CLVS1: variants seen among roughly 807,000 people sequenced by gnomAD.
CLVS1 encodes the protein clavesin 1, also known as clavesin-1.
A neutral mutation model predicts 33.1 loss-of-function variants in CLVS1; 10 were observed. The observed-to-expected ratio is 0.30, with a 90% CI of 0.19 to 0.51. The LOEUF is 0.51. CLVS1 is among the 20% of genes least tolerant of loss of function. The probability of loss-of-function intolerance (pLI) is 0.97; values close to 1 mark genes in which losing one functional copy is unlikely to be tolerated. For synonymous variants in CLVS1, 163 were observed against 166.1 expected (o/e 0.98, Z 0.14); for missense variants, 343 against 433.4 (o/e 0.79, Z 1.85).
At chr8:61,398,871 G>T (rs1464941923) in intron 3 of CLVS1, among the ~76,000 whole-genome samples, 1 of 152,158 alleles carries the variant, frequency 6.6e-6, no homozygotes, top group African/African-American at 2.4e-5. Flanking sequence ...TCCCTGCAAA[G>T]GACATGATCT....
chr8:61,114,538 A>T (rs191191890), intron 1 of CLVS1, among the ~76,000 whole-genome samples: 1 of 152,358 alleles, frequency 6.6e-6, no homozygotes, highest in Non-Finnish European at 1.5e-5. Flanking sequence ...GTAGTTTATT[A>T]TACTGACAAA....
chr8:60,973,817 G>T, the CLVS1 span, among the ~76,000 whole-genome samples: 1 of 152,216 alleles, frequency 6.6e-6, no homozygotes, highest in Non-Finnish European at 1.5e-5. Context: ...GGAAGCTGCT[G>T]ATCGCCAGTT....
intron 2 of CLVS1, among the ~76,000 whole-genome samples, chr8:61,221,161 T>G (rs980479770): frequency 6.6e-6 from 1 of 152,180 alleles, no homozygotes; most frequent in Non-Finnish European, 1.5e-5. Flanking sequence ...TCTTCCTATT[T>G]GAGTATGCTT....
intron 1 of CLVS1, among the ~76,000 whole-genome samples, chr8:61,057,755 T>C (rs1007614343): frequency 6.6e-6 from 1 of 152,176 alleles, no homozygotes; most frequent in African/African-American, 2.4e-5. Flanking sequence ...ACAGAAGAAA[T>C]TGCTTGAAGT....
chr8:61,234,292 G>A (rs539757190), intron 2 of CLVS1, among the ~76,000 whole-genome samples: 2 of 152,160 alleles, frequency 1.3e-5, no homozygotes, highest in African/African-American at 2.4e-5. Flanking sequence ...AGCCTGGTTC[G>A]ACCAGTGCCT....
chr8:61,096,288 A>C (rs574314129), intron 1 of CLVS1, among the ~76,000 whole-genome samples: 46 of 152,288 alleles, frequency 3.0e-4, no homozygotes, highest in Admixed American at 1.3e-3. Flanking sequence ...CCTACAGGAG[A>C]GAGTGGGTTT....
At chr8:61,063,543 A>T (rs11996012) in intron 1 of CLVS1, among the ~76,000 whole-genome samples, 15,977 of 152,150 alleles carry the variant, frequency 0.11, 1,196 homozygotes, top group African/African-American at 0.21. Context: ...TTCAAGAAGG[A>T]TGGACACAGG....
chr8:61,022,582 G>A, the CLVS1 span, among the ~76,000 whole-genome samples: 2 of 152,136 alleles, frequency 1.3e-5, no homozygotes, highest in African/African-American at 4.8e-5. Flanking sequence ...TCATGTTATT[G>A]CTACTCTTGT....
chr8:61,208,837 C>T (rs767628415), intron 2 of CLVS1, among the ~76,000 whole-genome samples: 5 of 152,326 alleles, frequency 3.3e-5, no homozygotes, highest in East Asian at 1.9e-4. Context: ...CTGCCCACCT[C>T]GGCCTCCCAA....
chr8:60,988,294 C>T, the CLVS1 span, among the ~76,000 whole-genome samples: 3 of 152,144 alleles, frequency 2.0e-5, no homozygotes, highest in Non-Finnish European at 4.4e-5. Flanking sequence ...ACCCAGATGA[C>T]CTCTCCTCAA....
At chr8:61,085,966 G>A (rs1223704921) in intron 1 of CLVS1, among the ~76,000 whole-genome samples, 1 of 145,526 alleles carries the variant, frequency 6.9e-6, no homozygotes, top group Non-Finnish European at 1.5e-5. Flanking sequence ...AACCGTGGAG[G>A]CGGAGCTTGC....
chr8:61,335,620 T>C (rs575993400), intron 2 of CLVS1, among the ~76,000 whole-genome samples: 4 of 152,282 alleles, frequency 2.6e-5, no homozygotes, highest in Non-Finnish European at 2.9e-5. Context: ...TTCTTCAGAG[T>C]AGGAGTCTAT....
intron 1 of CLVS1, among the ~76,000 whole-genome samples, chr8:61,100,578 TAATC>T (rs1347045594): frequency 6.6e-6 from 1 of 152,224 alleles, no homozygotes; most frequent in African/African-American, 2.4e-5. Flanking sequence ...ATAATTCACA[TAATC>T]AATTCACCCA....
chr8:61,349,703 A>G (rs1279562380), intron 2 of CLVS1, among the ~76,000 whole-genome samples: 4 of 152,108 alleles, frequency 2.6e-5, no homozygotes, highest in East Asian at 1.9e-4. Context: ...TTGCAATTCT[A>G]ATGTTCTTGA....
chr8:61,142,189 T>A (rs1158434080), intron 2 of CLVS1, among the ~76,000 whole-genome samples: 1 of 152,012 alleles, frequency 6.6e-6, no homozygotes, highest in African/African-American at 2.4e-5. Flanking sequence ...ATGGGGGTGG[T>A]TTCCCCCATG....
chr8:61,059,662 T>A (rs1197558972), intron 1 of CLVS1, among the ~76,000 whole-genome samples: 1 of 150,334 alleles, frequency 6.7e-6, no homozygotes, highest in Non-Finnish European at 1.5e-5. Context: ...ATAGAAAAAA[T>A]TAGCCGGATG....
the CLVS1 span, among the ~76,000 whole-genome samples, chr8:61,032,992 GGAAAGAAAGAAA>G: frequency 0.036 from 1,582 of 44,518 alleles, 34 homozygotes; most frequent in South Asian, 0.12. Context: ...AAGGAAGGAA[GGAAAGAAAGAAA>G]GAAAGAAAGA....
At chr8:61,197,108 T>G (rs1020301875) in intron 2 of CLVS1, among the ~76,000 whole-genome samples, 2 of 152,230 alleles carry the variant, frequency 1.3e-5, no homozygotes, top group Non-Finnish European at 2.9e-5. Flanking sequence ...TGCATTGAGT[T>G]CTCTCCTATG....
intron 2 of CLVS1, among the ~76,000 whole-genome samples, chr8:61,162,898 G>C (rs1806780075): frequency 1.3e-5 from 2 of 152,140 alleles, no homozygotes. Flanking sequence ...ATGGTTATTA[G>C]ATCACATCAG....
Sources: gnomAD v4.1 joint callset for allele counts (sites outside exome capture counted in the v4.1 genomes callset) on GRCh38, gnomAD v4.1.1 for gene constraint, MANE v1.5 for transcripts, NCBI Gene and HGNC (gene_info 2026-07-23, HGNC 2026-07-21) for gene names.